Variants in PUM3 observed in about 807,000 individuals in gnomAD.
PUM3 encodes pumilio RNA binding family member 3, also known as pumilio homolog 3.
A neutral mutation model predicts 84.0 loss-of-function variants in PUM3; 91 were observed. The observed-to-expected ratio is 1.08, with a 90% confidence interval of 0.91 to 1.29. The LOEUF (loss-of-function observed/expected upper bound fraction) is 1.29, where lower values mean the gene tolerates loss of function less well. PUM3 is among the 50% of genes most tolerant of loss of function. PUM3 has a pLI of 0.00. For synonymous variants in PUM3, 321 were observed against 266.7 expected (o/e 1.20, Z -1.98); for missense variants, 1,067 against 767.5 (o/e 1.39, Z -4.61).
chr9:2,830,598 T>A (rs563215217), intron 7 of PUM3, among the ~76,000 whole-genome samples: 3 of 152,212 alleles, frequency 2.0e-5, no homozygotes, highest in Non-Finnish European at 4.4e-5. Flanking sequence ...AAATTATTTT[T>A]ACTATGCTAC....
In PUM3 at chr9:2,810,415, T is replaced by C. The variant is rs1821341940; in HGVS notation, c.1652A>G (p.His551Arg). ...CTTCAGAACTAGATGTCCTGCAGGA[T>C]GTTCTGCAATGTGAAGCTATGAAGG... is the stretch of plus-strand genomic sequence containing the variant. The part of the protein sequence containing the change: ...GKDGELHIAE[H>R]PAGHLVLKWL... Residue 551 changes from histidine to arginine, a missense_variant, in exon 16 of 18, where the codon CAT becomes CGT. Physicochemically the swap from His to Arg is conservative, Grantham distance 29. Transcript: ENST00000397885. 1.2e-6 allele frequency: 2 copies of C among 1,608,686 alleles called. No individual in the cohort carries two copies. Among genetic ancestry groups the C allele is most frequent in the Non-Finnish European group, 1.7e-6 (2 of 1,177,230 alleles).
chr9:2,827,719 A>T (rs1719101479), intron 9 of PUM3, among the ~76,000 whole-genome samples: 1 of 152,230 alleles, frequency 6.6e-6, no homozygotes, highest in South Asian at 2.1e-4. Context: ...CACAGGTGAT[A>T]CCCAAGTAGA....
chr9:2,804,258 C>A lies in PUM3; in HGVS notation c.*73G>T. ...AATTACCAGTATGGTGGACCCTACC[C>A]CTTCTTTTCTGCATTGGGAAACAGA... On this transcript the variant is annotated 3_prime_UTR_variant, in exon 18 of 18. Transcript: ENST00000397885. The A allele has an allele frequency of 6.7e-7, 1 of 1,483,190 alleles. No homozygotes were observed. The highest frequency in any genetic ancestry group is 9.2e-7 in the Non-Finnish European group (1 of 1,085,216). The allele number at this position is 1,483,190 out of a possible 1,614,324, so 91.9% of individuals were successfully genotyped here. A position where few individuals can be genotyped will look rare whatever the true frequency, so the allele number is the denominator to read the frequency against.
At position 2,811,397 on chromosome 9, in the gene PUM3, T is replaced by C. The variant is rs931044616; in HGVS notation, c.1599A>G (p.Ala533=). 1 of 1,614,174 alleles carries C rather than the reference T, an allele frequency of 6.2e-7. No homozygotes were observed. Among genetic ancestry groups the C allele is most frequent in the African/African-American group, 1.3e-5 (1 of 75,058 alleles). ...QPTMNAIASL[A]ATGLHPGGKD... is the part of the protein sequence containing the mutation. ...TGCCACCAGGATGCAGTCCTGTTGC[T>C]GCCAAGCTGGCGATGGCATTCATGG... Residue 533 remains alanine (A), a synonymous_variant, in exon 15 of 18, where the codon GCA becomes GCG. Transcript: ENST00000397885.
chr9:2,808,034 C>T (rs960448772), intron 16 of PUM3, 130 bp from the exon 17 acceptor site: 2 of 620,926 alleles, frequency 3.2e-6, no homozygotes, highest in African/African-American at 3.7e-5. Flanking sequence ...TTCACCCAAT[C>T]TCCCTTTTAA....
Position 2,829,866 on chromosome 9 carries a change from T to C in PUM3, c.760A>G (p.Ile254Val), listed in dbSNP as rs1203880269. ...KMLRHAEASA[I>V]VEYAYNDKAI... Reference sequence around the variant, plus strand: ...TTGTCATTGTATGCGTACTCCACGATGGCTGATGCTTCCGCATGCCGCAGC... The same window carrying C: ...TTGTCATTGTATGCGTACTCCACGACGGCTGATGCTTCCGCATGCCGCAGC... Residue 254 changes from isoleucine (I) to valine (V), a missense_variant, in exon 8 of 18, where the codon ATC becomes GTC. Physicochemically the swap from Ile to Val is conservative, Grantham distance 29. Transcript: ENST00000397885. 11 of 1,614,178 alleles carry C rather than the reference T, an allele frequency of 6.8e-6. No homozygotes were observed. Among genetic ancestry groups the C allele is most frequent in the African/African-American group, 2.7e-5 (2 of 75,068 alleles).
Position 2,837,185 on chromosome 9 carries a change from C to G in PUM3, c.299G>C (p.Ser100Thr), listed in dbSNP as rs1296317922. The G allele has an allele frequency of 6.2e-7, 1 of 1,613,932 alleles. No individual in the cohort carries two copies. Among genetic ancestry groups the G allele is most frequent in the East Asian group, 2.2e-5 (1 of 44,874 alleles). ...ATGAACGAACCAGTACTTACCATCG[C>G]TTCTACCATCTGGCTGGAATTTTCT... Reference protein sequence around the residue: ...KKRKFQPDGRSDESAAKKPKW... With the variant: ...KKRKFQPDGRTDESAAKKPKW... The change falls in exon 3 of 18, where the codon AGC (serine) becomes ACC (threonine). Residue 100 changes from serine (S) to threonine (T), a missense_variant. Physicochemically the swap from Ser to Thr is moderately conservative, Grantham distance 58. Coordinates refer to ENST00000397885, the MANE Select transcript of PUM3 (RefSeq NM_014878.5).
rs1815964214 is a variant in PUM3, at chr9:2,831,036, A to C, written c.611-8T>G. ...TTAACTCAACCAAATCATCTGAAAA[A>C]CAAAAATACATTACAGTGACTTCAG... is the stretch of plus-strand genomic sequence containing the variant. On this transcript the variant is annotated splice_polypyrimidine_tract_variant and splice_region_variant and intron_variant, in intron 6 of 17. Coordinates refer to ENST00000397885, the MANE Select transcript of PUM3 (RefSeq NM_014878.5). 2.2e-6 allele frequency: 3 copies of C among 1,381,876 alleles called. No homozygotes were observed. The highest frequency in any genetic ancestry group is 3.1e-6 in the Non-Finnish European group (3 of 978,144). The allele number at this position is 1,381,876 out of a possible 1,614,324, so 85.6% of individuals were successfully genotyped here.
intron 1 of PUM3, among the ~76,000 whole-genome samples, chr9:2,843,107 C>A (rs1477179817): frequency 6.6e-6 from 1 of 152,256 alleles, no homozygotes; most frequent in South Asian, 2.1e-4. Flanking sequence ...CACTTGCTTA[C>A]AAGTCTTCAA....
intron 10 of PUM3, among the ~76,000 whole-genome samples, chr9:2,825,342 G>GA (rs757177788): frequency 6.6e-6 from 1 of 152,088 alleles, no homozygotes; most frequent in Non-Finnish European, 1.5e-5. Flanking sequence ...ATTTCCTCAT[G>GA]AAAAATTTCT....
At chr9:2,834,263 A>C in intron 3 of PUM3, 97 bp from the exon 4 acceptor site, 1 of 1,034,738 alleles carries the variant, frequency 9.7e-7, no homozygotes, top group Non-Finnish European at 1.4e-6. Flanking sequence ...AATCAGGATC[A>C]ATGCTCATTC....
At chr9:2,821,173 G>A (rs1165768159) in intron 12 of PUM3, among the ~76,000 whole-genome samples, 1 of 152,100 alleles carries the variant, frequency 6.6e-6, no homozygotes, top group Non-Finnish European at 1.5e-5. Context: ...AGCCAGGTGC[G>A]GTAGCTCACG....
intron 3 of PUM3, 57 bp from the exon 4 acceptor site, chr9:2,834,223 A>C: frequency 7.4e-6 from 11 of 1,479,930 alleles, no homozygotes; most frequent in Non-Finnish European, 1.0e-5. Flanking sequence ...GTCATACACC[A>C]ATACAAATTA....
Position 2,821,612 on chromosome 9 carries a change from T to A in PUM3, c.1189-1514A>T, listed in dbSNP as rs76185283. 6.7e-3 allele frequency among the ~76,000 whole-genome samples: 1,023 copies of A among 152,248 alleles called. 6 individuals are homozygous for A. The highest frequency in any genetic ancestry group is 0.011 in the Non-Finnish European group (746 of 68,010). Reference sequence around the variant, plus strand: ...ATGGTGAAAACCTCTGACAATAGACTAATTTATCAAAGGTTTAGGGAAAAG... The same window carrying A: ...ATGGTGAAAACCTCTGACAATAGACAAATTTATCAAAGGTTTAGGGAAAAG... On this transcript the variant is annotated intron_variant, in intron 12 of 17. Coordinates refer to ENST00000397885, the MANE Select transcript of PUM3 (RefSeq NM_014878.5).
chr9:2,813,171 TAA>T (rs533880662), intron 13 of PUM3, among the ~76,000 whole-genome samples: 69 of 152,332 alleles, frequency 4.5e-4, no homozygotes, highest in African/African-American at 1.6e-3. Flanking sequence ...CCAAGAACAG[TAA>T]CCTCCTTTTC....
At chr9:2,821,699 CA>C (rs1259976773) in intron 12 of PUM3, among the ~76,000 whole-genome samples, 1 of 152,108 alleles carries the variant, frequency 6.6e-6, no homozygotes, top group African/African-American at 2.4e-5. Context: ...GAGCAATTGA[CA>C]ACACCTATAC....
In PUM3 at chr9:2,807,963, C is replaced by T. The variant is rs188653759; in HGVS notation, c.1724-59G>A. ...ATAATAAGATATATACTCCCTACCCCCTTCTCTACTGCCCTTAAATCTGCA... is the reference window on the plus strand; with the variant it reads ...ATAATAAGATATATACTCCCTACCCTCTTCTCTACTGCCCTTAAATCTGCA... On this transcript the variant is annotated intron_variant, in intron 16 of 17. Coordinates refer to ENST00000397885, the MANE Select transcript of PUM3 (RefSeq NM_014878.5). 6.7e-6 allele frequency: 7 copies of T among 1,046,406 alleles called. No individual in the cohort carries two copies. In the Admixed American group the frequency reaches 1.3e-4, roughly 19 times the overall value. The allele number at this position is 1,046,406 out of a possible 1,614,324, so 64.8% of individuals were successfully genotyped here.
At chr9:2,827,761 A>T (rs987903116) in intron 9 of PUM3, among the ~76,000 whole-genome samples, 8 of 152,226 alleles carry the variant, frequency 5.3e-5, no homozygotes, top group African/African-American at 1.9e-4. Context: ...TTATGGGCAA[A>T]GCACTGTTCT....
At chr9:2,836,637 A>T (rs189085522) in intron 3 of PUM3, among the ~76,000 whole-genome samples, 29 of 152,204 alleles carry the variant, frequency 1.9e-4, no homozygotes, top group African/African-American at 6.7e-4. Flanking sequence ...CATCAGAGGG[A>T]TTTATTGTAT....
Sources: gnomAD v4.1 joint callset for allele counts (sites outside exome capture counted in the v4.1 genomes callset) on GRCh38, gnomAD v4.1.1 for gene constraint, MANE v1.5 for transcripts, NCBI Gene and HGNC (gene_info 2026-07-23, HGNC 2026-07-21) for gene names.